The following DPP10 variants were observed in gnomAD, a reference collection of about 807,000 sequenced individuals.
DPP10 encodes the protein dipeptidyl peptidase like 10.
DPP10 carries 33 observed loss-of-function variants against 120.9 expected under a neutral mutation model. The observed-to-expected ratio is 0.27, with a 90% confidence interval of 0.21 to 0.37. DPP10 has a LOEUF of 0.37. DPP10 is among the 10% of genes least tolerant of loss of function. The probability of loss-of-function intolerance (pLI) is 1.00; values close to 1 mark genes in which losing one functional copy is unlikely to be tolerated. For synonymous variants in DPP10, 337 were observed against 326.1 expected, an observed-to-expected ratio of 1.03 and a Z score of -0.36; for missense variants, 816 against 942.8, an observed-to-expected ratio of 0.87 and a Z score of 1.76.
intron 1 of DPP10, among the ~76,000 whole-genome samples, chr2:114,671,866 A>G (rs1269683693): frequency 1.3e-5 from 2 of 152,102 alleles, no homozygotes; most frequent in African/African-American, 2.4e-5. Flanking sequence ...AAAACTTTCC[A>G]AATACTTTTC....
intron 4 of DPP10, among the ~76,000 whole-genome samples, chr2:115,510,281 G>T (rs926377197): frequency 2.0e-5 from 3 of 152,004 alleles, no homozygotes; most frequent in South Asian, 2.1e-4. Flanking sequence ...GAACATAATA[G>T]ATTTTTATTT....
chr2:115,018,005 TAAAA>T (rs570028712), intron 1 of DPP10, among the ~76,000 whole-genome samples: 1 of 133,266 alleles, frequency 7.5e-6, no homozygotes, highest in Non-Finnish European at 1.6e-5. Context: ...AGTATAATAA[TAAAA>T]AAAAAAAGAG....
chr2:114,871,393 G>A (rs948120777), intron 1 of DPP10, among the ~76,000 whole-genome samples: 2 of 152,166 alleles, frequency 1.3e-5, no homozygotes, highest in South Asian at 2.1e-4. Flanking sequence ...GATCTATTAG[G>A]TTGGTGCACA....
intron 5 of DPP10, among the ~76,000 whole-genome samples, chr2:115,568,732 T>C (rs971989199): frequency 7.2e-5 from 11 of 152,186 alleles, no homozygotes; most frequent in African/African-American, 2.4e-4. Context: ...TCTCCACTTA[T>C]GCTTCGCCCA....
At chr2:114,486,322 G>A (rs966982847) in intron 1 of DPP10, among the ~76,000 whole-genome samples, 2 of 151,454 alleles carry the variant, frequency 1.3e-5, no homozygotes, top group Admixed American at 6.6e-5. Flanking sequence ...ATTTCCTTGT[G>A]GCCAAATTAC....
At chr2:114,970,423 G>T (rs915011158) in intron 1 of DPP10, among the ~76,000 whole-genome samples, 1 of 152,046 alleles carries the variant, frequency 6.6e-6, no homozygotes, top group African/African-American at 2.4e-5. Flanking sequence ...TTCTGTATTG[G>T]TAGTATTTTT....
intron 10 of DPP10, among the ~76,000 whole-genome samples, chr2:115,752,544 C>T (rs1678878347): frequency 6.6e-6 from 1 of 152,030 alleles, no homozygotes; most frequent in South Asian, 2.1e-4. Flanking sequence ...AGATAATTAA[C>T]AATATGGAAA....
At chr2:114,449,582 C>G (rs1342558382) in intron 1 of DPP10, among the ~76,000 whole-genome samples, 1 of 151,796 alleles carries the variant, frequency 6.6e-6, no homozygotes, top group Non-Finnish European at 1.5e-5. Flanking sequence ...TTTAGAGGGG[C>G]ATCCTTAAGT....
rs2076574230 is a variant in DPP10 at position 115,499,551 on chromosome 2, A to C, written c.313A>C (p.Lys105Gln). Reference protein sequence around the residue: ...VYKSENGHVIKLNIETNATTL... With the variant: ...VYKSENGHVIQLNIETNATTL... ...TAAAAGCGAGAATGGACATGTCATT[A>C]AACTGAATATAGAAACAAATGCTAC... The change falls in exon 4 of 26, where the codon AAA becomes CAA. Residue 105 changes from lysine (K) to glutamine (Q), a missense_variant. Physicochemically the swap from Lys to Gln is moderately conservative, Grantham distance 53. Coordinates refer to ENST00000410059, the MANE Select transcript of DPP10 (RefSeq NM_020868.6). The C allele has an allele frequency of 6.2e-7, 1 of 1,611,878 alleles. No individual in the cohort carries two copies.
chr2:114,779,963 C>G (rs1432852921), intron 1 of DPP10, among the ~76,000 whole-genome samples: 4 of 152,006 alleles, frequency 2.6e-5, no homozygotes, highest in African/African-American at 9.7e-5. Flanking sequence ...GGTGAAACCC[C>G]ATCTCTACTA....
chr2:114,461,884 T>C, intron 1 of DPP10: 2 of 984,950 alleles, frequency 2.0e-6, no homozygotes, highest in Non-Finnish European at 2.4e-6. Flanking sequence ...AAGAGACAGG[T>C]GGAGAGAGGG....
chr2:114,561,926 G>A (rs1688795787), intron 1 of DPP10, among the ~76,000 whole-genome samples: 1 of 152,190 alleles, frequency 6.6e-6, no homozygotes, highest in African/African-American at 2.4e-5. Flanking sequence ...CAGACAGTGA[G>A]CTATAAGGTG....
chr2:115,343,371 TTGAGAG>T (rs1248311664), intron 2 of DPP10, among the ~76,000 whole-genome samples: 3 of 152,194 alleles, frequency 2.0e-5, no homozygotes, highest in Non-Finnish European at 4.4e-5. Flanking sequence ...TCTTTCTGAC[TTGAGAG>T]TTTAGTCATA....
chr2:115,814,390 G>A (rs1177606613), intron 19 of DPP10, among the ~76,000 whole-genome samples: 2 of 151,828 alleles, frequency 1.3e-5, no homozygotes, highest in Non-Finnish European at 2.9e-5. Flanking sequence ...TTCAGCCCTT[G>A]GAAGCCATTT....
chr2:115,557,861 T>C (rs1223303731), intron 5 of DPP10, among the ~76,000 whole-genome samples: 2 of 152,178 alleles, frequency 1.3e-5, no homozygotes, highest in Non-Finnish European at 2.9e-5. Flanking sequence ...ATTTTATTTA[T>C]TGTGAAAGTT....
chr2:115,496,726 G>T (rs1212291468), intron 3 of DPP10, among the ~76,000 whole-genome samples: 1 of 152,054 alleles, frequency 6.6e-6, no homozygotes. Context: ...CTCACCCAAT[G>T]ATTTCTTCCT....
At chr2:115,392,087 C>T (rs922391945) in intron 3 of DPP10, among the ~76,000 whole-genome samples, 2 of 152,102 alleles carry the variant, frequency 1.3e-5, no homozygotes, top group African/African-American at 4.8e-5. Flanking sequence ...ATTAAGGTCC[C>T]TTTTAGGCAC....
intron 8 of DPP10, among the ~76,000 whole-genome samples, chr2:115,738,073 A>G (rs1018728205): frequency 6.6e-6 from 1 of 152,222 alleles, no homozygotes; most frequent in African/African-American, 2.4e-5. Context: ...CCAAGAAATC[A>G]TAACTATACT....
chr2:115,485,234 G>T (rs1264566033), intron 3 of DPP10, among the ~76,000 whole-genome samples: 4 of 55,822 alleles, frequency 7.2e-5, no homozygotes, highest in Admixed American at 2.8e-4. Flanking sequence ...CTTTAACACT[G>T]TTCCAAAAAA....
Sources: gnomAD v4.1 joint callset for allele counts (sites outside exome capture counted in the v4.1 genomes callset) on GRCh38, gnomAD v4.1.1 for gene constraint, MANE v1.5 for transcripts, NCBI Gene and HGNC (gene_info 2026-07-23, HGNC 2026-07-21) for gene names.